The following MECR variants were observed in gnomAD, a reference collection of about 807,000 sequenced individuals.
The protein encoded by MECR is mitochondrial trans-2-enoyl-CoA reductase, also known as enoyl-[acyl-carrier-protein] reductase, mitochondrial.
A neutral mutation model predicts 49.1 loss-of-function variants in MECR; 37 were observed. That is an observed-to-expected ratio of 0.75 (90% CI 0.58 to 0.99). The LOEUF is 0.99. MECR is among the 50% of genes least tolerant of loss of function. The probability of loss-of-function intolerance (pLI) is 0.00; values close to 1 mark genes in which losing one functional copy is unlikely to be tolerated. For missense variants in MECR, 470 were observed against 479.6 expected, an observed-to-expected ratio of 0.98 and a Z score of 0.19; for synonymous variants, 198 against 191.1, an observed-to-expected ratio of 1.04 and a Z score of -0.30.
At chr1:29,211,707 G>A (rs1055681749) in intron 3 of MECR, among the ~76,000 whole-genome samples, 4 of 76,976 alleles carry the variant, frequency 5.2e-5, no homozygotes, top group Non-Finnish European at 1.2e-4. Flanking sequence ...AAGAGAACTT[G>A]CCCCCTGATT....
At chr1:29,179,156 T>C in the MECR span, among the ~76,000 whole-genome samples, 31 of 152,216 alleles carry the variant, frequency 2.0e-4, no homozygotes, top group African/African-American at 5.8e-4. Context: ...TTCCTACTCA[T>C]TGATTTCGAA....
chr1:29,172,076 C>G, the MECR span: 3 of 151,948 alleles, frequency 2.0e-5, no homozygotes, highest in Non-Finnish European at 4.4e-5. Context: ...AAATTAAATT[C>G]CCCATATATT....
chr1:29,186,335 A>G, the MECR span, among the ~76,000 whole-genome samples: 1 of 152,236 alleles, frequency 6.6e-6, no homozygotes, highest in African/African-American at 2.4e-5. Context: ...CCTGGAATAC[A>G]GCTGGCTCCT....
intron 1 of MECR, chr1:29,220,983 C>T (rs72649272): frequency 0.02 from 16,568 of 846,652 alleles, 207 homozygotes; most frequent in Non-Finnish European, 0.021. Context: ...TTCAAGTAAA[C>T]GTAATTCAAC....
At chr1:29,210,439 C>G (rs896796186) in intron 3 of MECR, among the ~76,000 whole-genome samples, 2 of 152,136 alleles carry the variant, frequency 1.3e-5, no homozygotes, top group Non-Finnish European at 2.9e-5. Context: ...GGGCTTCCCC[C>G]GGACTGGCCT....
chr1:29,198,257 T>G (rs1012213291), intron 7 of MECR, among the ~76,000 whole-genome samples: 5 of 152,196 alleles, frequency 3.3e-5, no homozygotes, highest in African/African-American at 1.2e-4. Flanking sequence ...CTGGTACTGG[T>G]CTGCGGCCTG....
chr1:29,215,103 T>C (rs1679046562), intron 3 of MECR, among the ~76,000 whole-genome samples: 1 of 152,172 alleles, frequency 6.6e-6, no homozygotes, highest in African/African-American at 2.4e-5. Flanking sequence ...AGCCTAGAAC[T>C]CCTGGGCTCA....
At chr1:29,204,507 G>A (rs1376825205) in intron 4 of MECR, among the ~76,000 whole-genome samples, 2 of 152,044 alleles carry the variant, frequency 1.3e-5, no homozygotes, top group Non-Finnish European at 2.9e-5. Context: ...AACAGAGTAT[G>A]TCACACATAG....
chr1:29,204,975 C>A (rs1040529543), intron 4 of MECR, among the ~76,000 whole-genome samples: 1 of 152,248 alleles, frequency 6.6e-6, no homozygotes, highest in Non-Finnish European at 1.5e-5. Flanking sequence ...ACTCCAACAA[C>A]TGTGGGCCTC....
the MECR span, chr1:29,171,316 TG>T: frequency 6.6e-6 from 1 of 150,838 alleles, no homozygotes; most frequent in East Asian, 2.0e-4. Flanking sequence ...CCCGGAAACC[TG>T]AACTACCCTC....
downstream of MECR, among the ~76,000 whole-genome samples, chr1:29,188,461 C>T (rs1479871316): frequency 1.3e-5 from 2 of 152,080 alleles, no homozygotes; most frequent in Non-Finnish European, 2.9e-5. Flanking sequence ...GCCTTGGCCT[C>T]CCAAAGTGTT....
downstream of MECR, among the ~76,000 whole-genome samples, chr1:29,189,985 G>C (rs1440686225): frequency 6.6e-6 from 1 of 152,188 alleles, no homozygotes; most frequent in Non-Finnish European, 1.5e-5. Context: ...CTAGGGGCTT[G>C]AATAAAACAG....
the MECR span, among the ~76,000 whole-genome samples, chr1:29,176,836 A>T: frequency 1.3e-5 from 2 of 152,254 alleles, no homozygotes; most frequent in Non-Finnish European, 1.5e-5. Flanking sequence ...CTGAAAATTC[A>T]GGCTATTCAT....
At chr1:29,190,791 C>T (rs1163535400), downstream of MECR, among the ~76,000 whole-genome samples, 3 of 145,956 alleles carry the variant, frequency 2.1e-5, no homozygotes, top group African/African-American at 5.1e-5. Flanking sequence ...TCCATCATCT[C>T]TCCAAATAAA....
intron 1 of MECR, chr1:29,223,309 G>A (rs1681230197): frequency 1.0e-6 from 1 of 985,166 alleles, no homozygotes; most frequent in South Asian, 4.7e-5. Flanking sequence ...GCAGAAGAAA[G>A]AGCCTTTTGA....
intron 4 of MECR, among the ~76,000 whole-genome samples, chr1:29,204,395 G>T (rs1676059140): frequency 6.6e-6 from 1 of 151,988 alleles, no homozygotes; most frequent in Non-Finnish European, 1.5e-5. Flanking sequence ...TTCACCAGGG[G>T]TCAACGTACA....
the MECR span, chr1:29,169,331 C>T: frequency 6.6e-6 from 1 of 152,184 alleles, no homozygotes; most frequent in Non-Finnish European, 1.5e-5. Context: ...GAAAAGTGGT[C>T]CATAAAACCA....
At chr1:29,209,812 G>C (rs2503018) in intron 3 of MECR, among the ~76,000 whole-genome samples, 103,864 of 151,836 alleles carry the variant, frequency 0.68, 37,090 homozygotes, top group Non-Finnish European at 0.8. Context: ...GGCAGCTCGG[G>C]GCCCTTGGCC....
intron 3 of MECR, among the ~76,000 whole-genome samples, chr1:29,207,127 A>T (rs1401242167): frequency 6.6e-6 from 1 of 152,078 alleles, no homozygotes; most frequent in Non-Finnish European, 1.5e-5. Flanking sequence ...TATTCTTTTT[A>T]ATTTTTTTTT....
Sources: gnomAD v4.1 joint callset for allele counts (sites outside exome capture counted in the v4.1 genomes callset) on GRCh38, gnomAD v4.1.1 for gene constraint, MANE v1.5 for transcripts, NCBI Gene and HGNC (gene_info 2026-07-23, HGNC 2026-07-21) for gene names.